NOL4L: variants seen among roughly 807,000 people sequenced by gnomAD.
The protein encoded by NOL4L is nucleolar protein 4-like.
A neutral mutation model predicts 64.5 loss-of-function variants in NOL4L; 7 were observed. That is an observed-to-expected ratio of 0.11 (90% CI 0.06 to 0.20). The LOEUF is 0.20. Among genes scored for constraint, NOL4L ranks in the 10% least tolerant of loss-of-function variants. NOL4L has a pLI of 1.00. For missense variants in NOL4L, 680 were observed against 967.1 expected, an observed-to-expected ratio of 0.70 and a Z score of 3.94; for synonymous variants, 413 against 401.0, an observed-to-expected ratio of 1.03 and a Z score of -0.36.
At chr20:32,580,205 A>G (rs1407172638) in intron 1 of NOL4L, among the ~76,000 whole-genome samples, 1 of 152,206 alleles carries the variant, frequency 6.6e-6, no homozygotes, top group Non-Finnish European at 1.5e-5. Context: ...ATGTGAAGGT[A>G]GCAGTAATCA....
rs1301902977 is a variant in NOL4L at position 32,583,231 on chromosome 20, C to G, written c.321+1339G>C. On this transcript the variant is annotated intron_variant, in intron 1 of 10. Coordinates refer to ENST00000621426, the MANE Select transcript of NOL4L (RefSeq NM_001256798.2). ...CTCCCCGCGGCCTGCAGCCCCGTCC[C>G]CTGGGCGCGGGGGGAGGCGCCTCCG... Among the ~76,000 whole-genome samples the G allele has an allele frequency of 4.0e-5, 6 of 151,612 alleles. No individual in the cohort carries two copies. The East Asian group carries it at 1.2e-3, about 30-fold the overall frequency.
intron 4 of NOL4L, among the ~76,000 whole-genome samples, chr20:32,506,615 C>G (rs1360964646): frequency 2.0e-5 from 3 of 152,172 alleles, no homozygotes; most frequent in Non-Finnish European, 2.9e-5. Context: ...GAGCCGAGAT[C>G]GCGCCATTGC....
intron 2 of NOL4L, among the ~76,000 whole-genome samples, chr20:32,526,491 G>T (rs981396234): frequency 6.7e-6 from 1 of 148,954 alleles, no homozygotes; most frequent in Non-Finnish European, 1.5e-5. Flanking sequence ...GGACTAACCG[G>T]ATGGTTGCAT....
chr20:32,536,240 A>AG (rs960856026), intron 1 of NOL4L: 266 of 985,288 alleles, frequency 2.7e-4, no homozygotes, highest in Non-Finnish European at 2.8e-4. Flanking sequence ...GAGTCACCGA[A>AG]GGGGGGGTCC....
At chr20:32,510,197 G>A in intron 4 of NOL4L, 1 of 357,790 alleles carries the variant, frequency 2.8e-6, no homozygotes, top group South Asian at 2.1e-5. Flanking sequence ...GCTCAGATGA[G>A]AAGACGTGGG....
chr20:32,486,858 C>T, intron 4 of NOL4L: 1 of 453,658 alleles, frequency 2.2e-6, no homozygotes, highest in South Asian at 1.6e-5. Context: ...TCACCTGAAT[C>T]TGCTCCTCAA....
intron 4 of NOL4L, among the ~76,000 whole-genome samples, chr20:32,478,343 C>CT (rs1019578298): frequency 2.0e-5 from 3 of 151,960 alleles, no homozygotes; most frequent in African/African-American, 4.8e-5. Context: ...TGAGCATCTA[C>CT]TATGTGCTGG....
At chr20:32,566,211 G>A (rs910327852) in intron 1 of NOL4L, among the ~76,000 whole-genome samples, 4 of 152,194 alleles carry the variant, frequency 2.6e-5, no homozygotes, top group Non-Finnish European at 5.9e-5. Flanking sequence ...TGAGGACACT[G>A]AAGCTCAGAG....
At chr20:32,488,805 T>TTCCTTCTTTC (rs56182517) in intron 4 of NOL4L, among the ~76,000 whole-genome samples, 2 of 30,204 alleles carry the variant, frequency 6.6e-5, no homozygotes, top group South Asian at 2.1e-3. Flanking sequence ...CTTTCTTTCT[T>TTCCTTCTTTC]TTTCTTTCTT....
rs375369585 is a variant in NOL4L, at chr20:32,461,230, C to T, written c.842-4835G>A. On this transcript the variant is annotated intron_variant, in intron 5 of 10. Coordinates refer to ENST00000621426, the MANE Select transcript of NOL4L (RefSeq NM_001256798.2). ...GGCCCACCAGGCCCTTCCAGCGAGC[C>T]CCTATGGCTCACCCACCCGCCCCAG... Among the ~76,000 whole-genome samples, 304 of 152,314 alleles carry T rather than the reference C, an allele frequency of 2.0e-3. 1 individual carries two copies. In the South Asian group the frequency reaches 0.026, roughly 13 times the overall value.
chr20:32,583,575 G>C (rs1980646032), intron 1 of NOL4L, among the ~76,000 whole-genome samples: 1 of 150,084 alleles, frequency 6.7e-6, no homozygotes, highest in Admixed American at 6.6e-5. Context: ...GACCGGGCCG[G>C]GGGCGGAACG....
chr20:32,457,989 G>C lies in NOL4L; in HGVS notation c.842-1594C>G, dbSNP rs1318613105. The stretch of plus-strand genomic sequence containing the variant: ...GTGCCAGACCTCCTGGGGGACAGAT[G>C]TGCCTTACTCAGCCTCGTGGGTAAC... On this transcript the variant is annotated intron_variant, in intron 5 of 10. Coordinates refer to ENST00000621426, the MANE Select transcript of NOL4L (RefSeq NM_001256798.2). 3.3e-5 allele frequency among the ~76,000 whole-genome samples: 5 copies of C among 152,320 alleles called. No individual in the cohort carries two copies. In the East Asian group the frequency reaches 9.6e-4, roughly 29 times the overall value.
rs558812618 is a variant in NOL4L, at chr20:32,489,211, A to G, written c.700-14469T>C. ...CTAAGATTACAAAAGTAATTCACCT[A>G]TATTTTCTTCTGGAAACTTTATGTC... On this transcript the variant is annotated intron_variant, in intron 4 of 10. Coordinates refer to ENST00000621426, the MANE Select transcript of NOL4L (RefSeq NM_001256798.2). 5.9e-5 allele frequency among the ~76,000 whole-genome samples: 9 copies of G among 151,386 alleles called. No homozygotes were observed. In the South Asian group the frequency reaches 1.9e-3, roughly 32 times the overall value.
chr20:32,450,644 C>T (rs1364542357), intron 10 of NOL4L, among the ~76,000 whole-genome samples: 1 of 152,150 alleles, frequency 6.6e-6, no homozygotes, highest in Non-Finnish European at 1.5e-5. Flanking sequence ...GTCAGGGGGA[C>T]TTGGCAGCCG....
intron 1 of NOL4L, among the ~76,000 whole-genome samples, chr20:32,571,346 C>T (rs1979735294): frequency 6.6e-6 from 1 of 152,154 alleles, no homozygotes; most frequent in African/African-American, 2.4e-5. Flanking sequence ...TGCCACAACG[C>T]CTGGCTAATT....
intron 4 of NOL4L, among the ~76,000 whole-genome samples, chr20:32,478,273 A>ACACACACACT (rs1373957221): frequency 3.7e-4 from 53 of 143,426 alleles, no homozygotes; most frequent in African/African-American, 1.3e-3. Flanking sequence ...ACACACACAC[A>ACACACACACT]CTCTCTCTCT....
chr20:32,527,993 G>A (rs1463113220), intron 1 of NOL4L, 80 bp from the exon 2 acceptor site: 60 of 1,208,276 alleles, frequency 5.0e-5, no homozygotes, highest in Non-Finnish European at 6.4e-5. Context: ...GGGGCAAGGG[G>A]TCAGGACGGG....
Position 32,453,126 on chromosome 20 carries a change from A to C in NOL4L, c.1498-120T>G. On this transcript the variant is annotated intron_variant, in intron 8 of 10. Coordinates refer to ENST00000621426, the MANE Select transcript of NOL4L (RefSeq NM_001256798.2). The surrounding 1 kb of genome is among the most constrained non-coding windows in gnomAD (Gnocchi z 5.6). The stretch of plus-strand genomic sequence containing the variant: ...GGTTTGGGCTCCAGCGCCTCAGTCT[A>C]TGGAGCTGTGTGATCTTTCTGGGCC... 6.8e-7 allele frequency: 1 copy of C among 1,462,264 alleles called. No individual in the cohort carries two copies. Among genetic ancestry groups the C allele is most frequent in the Non-Finnish European group, 9.3e-7 (1 of 1,075,304 alleles). 90.6% of individuals were successfully genotyped at this position (1,462,264 alleles called of 1,614,324 possible).
chr20:32,457,681 C>G (rs1328916961), intron 5 of NOL4L, among the ~76,000 whole-genome samples: 1 of 152,182 alleles, frequency 6.6e-6, no homozygotes, highest in Non-Finnish European at 1.5e-5. Flanking sequence ...GCACCCCTCC[C>G]CCTCGGCTGC....
Sources: allele counts gnomAD v4.1 joint callset (sites outside exome capture counted in the v4.1 genomes callset), GRCh38; gene constraint gnomAD v4.1.1; non-coding constraint Gnocchi (gnomAD v3.1); transcripts MANE v1.5; gene names NCBI Gene and HGNC (gene_info 2026-07-23, HGNC 2026-07-21).